Variants in MYO16 observed in about 807,000 individuals in gnomAD.
MYO16 encodes the protein myosin XVI, also known as unconventional myosin-XVI.
Under a neutral mutation model 205.3 loss-of-function variants are expected in MYO16, and 94 were observed. That is an observed-to-expected ratio of 0.46 (90% CI 0.39 to 0.54). The LOEUF (loss-of-function observed/expected upper bound fraction) is 0.54, where lower values mean the gene tolerates loss of function less well. MYO16 is among the 20% of genes least tolerant of loss of function. The pLI is 0.00. For missense variants in MYO16, 2,315 were observed against 2,387.5 expected (o/e 0.97, Z 0.63); for synonymous variants, 988 against 954.0 (o/e 1.04, Z -0.66).
chr13:109,095,034 A>G (rs277846), intron 27 of MYO16, among the ~76,000 whole-genome samples: 41,863 of 152,140 alleles, frequency 0.28, 5,875 homozygotes, highest in Middle Eastern at 0.32. Flanking sequence ...TGCTCAGTCA[A>G]TACTGGTGAA....
chr13:108,629,558 G>T, upstream of MYO16: 2 of 352,978 alleles, frequency 5.7e-6, no homozygotes, highest in South Asian at 7.9e-5. Flanking sequence ...GACTATTCCC[G>T]GGATTGTGGT....
intron 20 of MYO16, among the ~76,000 whole-genome samples, chr13:108,975,330 AT>A (rs1407146007): frequency 2.0e-5 from 3 of 152,014 alleles, no homozygotes; most frequent in Non-Finnish European, 2.9e-5. Flanking sequence ...GCTTGTGATT[AT>A]TTTATTCTCA....
intron 22 of MYO16, among the ~76,000 whole-genome samples, chr13:109,010,990 G>T (rs2139486205): frequency 8.3e-6 from 1 of 119,900 alleles, no homozygotes; most frequent in South Asian, 2.5e-4. Context: ...TTCACCTCCA[G>T]CCTCTTCAGA....
intron 20 of MYO16, among the ~76,000 whole-genome samples, chr13:108,969,973 C>G (rs996526600): frequency 3.3e-5 from 5 of 152,166 alleles, no homozygotes; most frequent in Non-Finnish European, 7.3e-5. Context: ...TTTTGTGATA[C>G]TAGCTGGCTG....
intron 19 of MYO16, 86 bp from the exon 20 acceptor site, chr13:108,964,675 G>T: frequency 7.3e-7 from 1 of 1,369,898 alleles, no homozygotes; most frequent in South Asian, 1.3e-5. Context: ...GATGTGTGGG[G>T]AATTAATAGG....
intron 21 of MYO16, among the ~76,000 whole-genome samples, chr13:109,004,885 G>C (rs971048123): frequency 6.6e-6 from 1 of 152,124 alleles, no homozygotes; most frequent in African/African-American, 2.4e-5. Context: ...TAACAACAAC[G>C]CCTTTAAAAT....
At chr13:108,854,765 G>A (rs9521073) in intron 10 of MYO16, among the ~76,000 whole-genome samples, 47,871 of 151,916 alleles carry the variant, frequency 0.32, 7,945 homozygotes, top group Non-Finnish European at 0.37. Context: ...TGAAAATAAT[G>A]GATTTTCATT....
At chr13:108,725,511 A>G (rs1040055137) in intron 3 of MYO16, among the ~76,000 whole-genome samples, 23 of 151,816 alleles carry the variant, frequency 1.5e-4, no homozygotes, top group Non-Finnish European at 3.1e-4. Flanking sequence ...TTAGTTTAGG[A>G]CTCATATTTC....
At chr13:108,982,440 T>C (rs1884477397) in intron 20 of MYO16, among the ~76,000 whole-genome samples, 1 of 152,114 alleles carries the variant, frequency 6.6e-6, no homozygotes, top group African/African-American at 2.4e-5. Context: ...GGCTGGAAGA[T>C]AATTAAGGGA....
At chr13:108,750,197 C>A (rs574452255) in intron 4 of MYO16, among the ~76,000 whole-genome samples, 145 of 152,270 alleles carry the variant, frequency 9.5e-4, no homozygotes, top group African/African-American at 3.3e-3. Context: ...ATACATGACA[C>A]CCTGCCTTTG....
chr13:108,733,728 C>T (rs113721005), intron 4 of MYO16, among the ~76,000 whole-genome samples: 3 of 152,076 alleles, frequency 2.0e-5, no homozygotes, highest in Non-Finnish European at 2.9e-5. Flanking sequence ...TTTGGGAGGC[C>T]GAGGTGGGCA....
intron 2 of MYO16, among the ~76,000 whole-genome samples, chr13:108,667,619 C>G (rs1881798309): frequency 1.3e-5 from 2 of 152,158 alleles, no homozygotes; most frequent in Non-Finnish European, 2.9e-5. Context: ...CTCATACCTT[C>G]CAGCAGCATT....
chr13:108,619,396 CT>C (rs1419359813), intron 1 of MYO16, among the ~76,000 whole-genome samples: 1 of 152,178 alleles, frequency 6.6e-6, no homozygotes, highest in African/African-American at 2.4e-5. Flanking sequence ...ATATATACCT[CT>C]TCCCTTGATA....
At chr13:109,174,956 T>C (rs1036511104) in intron 33 of MYO16, among the ~76,000 whole-genome samples, 2 of 151,922 alleles carry the variant, frequency 1.3e-5, no homozygotes, top group Non-Finnish European at 2.9e-5. Flanking sequence ...TTCACCGTGT[T>C]AGCCAGAATG....
At chr13:108,900,375 G>A (rs1880649258) in intron 15 of MYO16, among the ~76,000 whole-genome samples, 1 of 152,088 alleles carries the variant, frequency 6.6e-6, no homozygotes, top group South Asian at 2.1e-4. Flanking sequence ...AGACCCAGAG[G>A]TGATACATAT....
intron 2 of MYO16, among the ~76,000 whole-genome samples, chr13:108,666,463 C>G (rs1364616918): frequency 2.6e-5 from 4 of 151,642 alleles, no homozygotes; most frequent in Non-Finnish European, 4.4e-5. Context: ...GTTAGGGAAA[C>G]TTTTTATCAA....
chr13:109,155,645 G>A (rs1470203224), intron 32 of MYO16, among the ~76,000 whole-genome samples: 2 of 152,216 alleles, frequency 1.3e-5, no homozygotes, highest in Admixed American at 6.5e-5. Context: ...ATCACCACTA[G>A]ACTCAGACGC....
At chr13:108,524,681 T>C in the MYO16 span, among the ~76,000 whole-genome samples, 1 of 152,178 alleles carries the variant, frequency 6.6e-6, no homozygotes, top group Non-Finnish European at 1.5e-5. Flanking sequence ...TTGCCTTACC[T>C]CACCAGTGGA....
chr13:108,854,642 CT>C (rs1383474441), intron 10 of MYO16, among the ~76,000 whole-genome samples: 1 of 151,772 alleles, frequency 6.6e-6, no homozygotes, highest in East Asian at 1.9e-4. Flanking sequence ...TATTCTTATT[CT>C]TTTGCTCCTC....
Sources: gnomAD v4.1 joint callset for allele counts (sites outside exome capture counted in the v4.1 genomes callset) on GRCh38, gnomAD v4.1.1 for gene constraint, MANE v1.5 for transcripts, NCBI Gene and HGNC (gene_info 2026-07-23, HGNC 2026-07-21) for gene names.